The following PFAS variants were observed in gnomAD, a reference collection of about 807,000 sequenced individuals.
PFAS encodes FGAM synthase.
A neutral mutation model predicts 140.6 loss-of-function variants in PFAS; 97 were observed. The observed-to-expected ratio is 0.69, with a 90% confidence interval of 0.59 to 0.82. The LOEUF (loss-of-function observed/expected upper bound fraction) is 0.82. Among genes scored for constraint, PFAS ranks in the 40% least tolerant of loss-of-function variants. PFAS has a pLI of 0.00. For synonymous variants in PFAS, 679 were observed against 718.8 expected, an observed-to-expected ratio of 0.94 and a Z score of 0.88; for missense variants, 1,656 against 1,780.2, an observed-to-expected ratio of 0.93 and a Z score of 1.26.
In PFAS at chr17:8,263,576, C is replaced by T. The variant is rs190168483; in HGVS notation, c.1569C>T (p.Gly523=). 2.6e-5 allele frequency: 42 copies of T among 1,613,680 alleles called. No individual in the cohort carries two copies. The Admixed American group carries it at 5.0e-4, about 19-fold the overall frequency. ...TTCTCCTTGCAACCCTCTCACCAGG[C>T]AATGTCCTAAAAGAGCTGAGTGACC... ...SLHDQGAGGN[G]NVLKELSDPA... The change falls in exon 14 of 28, where the codon GGC becomes GGT. Residue 523 remains glycine (G), a splice_region_variant and synonymous_variant. Coordinates refer to ENST00000314666, the MANE Select transcript of PFAS (RefSeq NM_012393.3).
intron 11 of PFAS, among the ~76,000 whole-genome samples, chr17:8,259,208 C>A (rs1192376658): frequency 6.6e-6 from 1 of 150,580 alleles, no homozygotes; most frequent in East Asian, 1.9e-4. Context: ...TTTAGGTAAA[C>A]TTTTTTTTCT....
Position 8,256,960 on chromosome 17 carries a change from C to A in PFAS, c.1072C>A (p.Pro358Thr), listed in dbSNP as rs1186813070. ...AGYCFGNLHI[P>T]GYNLPWEDPS... is the part of the protein sequence containing the mutation. The stretch of plus-strand genomic sequence containing the variant: ...CTATTGCTTTGGAAATCTGCATATT[C>A]CAGGTTCCATCTCCTTCCTCTCTAT... Residue 358 changes from proline (P) to threonine (T), a missense_variant, in exon 9 of 28, where the codon CCA becomes ACA. This residue lies in a region of PFAS where 773 missense variants were observed against 757.3 expected (regional missense o/e 1.02). Transcript: ENST00000314666. 1 of 1,614,004 alleles carries A rather than the reference C, an allele frequency of 6.2e-7. No homozygotes were observed. Among genetic ancestry groups the A allele is most frequent in the Non-Finnish European group, 8.5e-7 (1 of 1,180,004 alleles).
Position 8,256,662 on chromosome 17 carries a change from C to T in PFAS, c.946+14C>T, listed in dbSNP as rs770576338. On this transcript the variant is annotated intron_variant, in intron 8 of 27. Coordinates refer to ENST00000314666, the MANE Select transcript of PFAS (RefSeq NM_012393.3). ...ACTTTCCCACAGGTGAGCTGGGTTC[C>T]CTGGAGAAATAGGTGAGATCACAGA... 1.2e-6 allele frequency: 2 copies of T among 1,613,692 alleles called. No individual in the cohort carries two copies. Among genetic ancestry groups the T allele is most frequent in the Non-Finnish European group, 1.7e-6 (2 of 1,179,830 alleles).
intron 11 of PFAS, among the ~76,000 whole-genome samples, chr17:8,262,679 C>T (rs2151589459): frequency 6.6e-6 from 1 of 152,154 alleles, no homozygotes; most frequent in East Asian, 1.9e-4. Flanking sequence ...GCCTGTAGTC[C>T]CAGCTACTCA....
chr17:8,249,849 G>T (rs1183753985), intron 1 of PFAS, among the ~76,000 whole-genome samples: 1 of 152,148 alleles, frequency 6.6e-6, no homozygotes, highest in East Asian at 1.9e-4. Flanking sequence ...CCCTGGTATT[G>T]TTCTAAGCCT....
At position 8,267,957 on chromosome 17, in the gene PFAS, AAT is replaced by A. The variant is rs1341945414; in HGVS notation, c.3382+299_3382+300del. Among the ~76,000 whole-genome samples the A allele has an allele frequency of 1.9e-4, 27 of 143,842 alleles. No homozygotes were observed. Among genetic ancestry groups the A allele is most frequent in the African/African-American group, 6.1e-4 (24 of 39,312 alleles). The allele number at this position is 143,842 out of a possible 152,430, so 94.4% of individuals were successfully genotyped here. A position where few individuals can be genotyped will look rare whatever the true frequency, so the allele number is the denominator to read the frequency against. The stretch of plus-strand genomic sequence containing the variant: ...ATGTATATTATTTATATATTATTAA[AAT>A]ATATATTATTTATATATATTATTTA... On this transcript the variant is annotated intron_variant, in intron 26 of 27. Coordinates refer to ENST00000314666, the MANE Select transcript of PFAS (RefSeq NM_012393.3). This position sits in a 1 kb window ranked among gnomAD's most constrained non-coding sequence, Gnocchi z 4.9.
chr17:8,254,561 T>C (rs914333686), intron 3 of PFAS, among the ~76,000 whole-genome samples: 7 of 152,164 alleles, frequency 4.6e-5, no homozygotes, highest in African/African-American at 1.7e-4. Flanking sequence ...CCCAGCACTT[T>C]GGGAGGCCGA....
At chr17:8,263,061 A>G (rs750499428) in intron 12 of PFAS, 48 bp from the exon 13 acceptor site, 1 of 1,610,504 alleles carries the variant, frequency 6.2e-7, no homozygotes. Context: ...GGGAGCGTAT[A>G]GGAGCTTCCA....
In PFAS at chr17:8,267,457, G is replaced by A. The variant is rs1400987942; in HGVS notation, c.3261G>A (p.Gly1087=). ...TGGCCGATGCCTTCCACTTAGCTGG[G>A]TTTGAGGTGAGCAGGGTAGGGGGCA... is the stretch of plus-strand genomic sequence containing the variant. ...REMADAFHLA[G]FEVWDVTMQD... The change falls in exon 25 of 28, where the codon GGG becomes GGA. Residue 1087 remains glycine (G), a synonymous_variant. Transcript: ENST00000314666. This position sits in a 1 kb window ranked among gnomAD's most constrained non-coding sequence, Gnocchi z 4.9. 1.9e-6 allele frequency: 3 copies of A among 1,614,006 alleles called. No homozygotes were observed. The South Asian group carries it at 3.3e-5, about 18-fold the overall frequency.
At chr17:8,264,111 A>G in intron 15 of PFAS, 101 bp from the exon 16 acceptor site, 1 of 1,546,764 alleles carries the variant, frequency 6.5e-7, no homozygotes, top group Non-Finnish European at 8.9e-7. Flanking sequence ...ATGGAAACCA[A>G]ACAAGGAGTG....
Position 8,267,209 on chromosome 17 carries a change from C to T in PFAS, c.3149C>T (p.Pro1050Leu). The T allele has an allele frequency of 6.2e-7, 1 of 1,607,308 alleles. No individual in the cohort carries two copies. The highest frequency in any genetic ancestry group is 8.5e-7 in the Non-Finnish European group (1 of 1,177,326). The change falls in exon 24 of 28, where the codon CCC becomes CTC. Residue 1050 changes from proline to leucine, a missense_variant. This residue lies in a region of PFAS where 883 missense variants were observed against 1,023.0 expected (regional missense o/e 0.86). Coordinates refer to ENST00000314666, the MANE Select transcript of PFAS (RefSeq NM_012393.3). The surrounding 1 kb of genome is among the most constrained non-coding windows in gnomAD (Gnocchi z 4.9). Reference sequence around the variant, plus strand: ...AGCTATTGCCTGCCCCCCACCTTTCCCAAAGCCTCCGTGCCCCGTGAGCCT... The same window carrying T: ...AGCTATTGCCTGCCCCCCACCTTTCTCAAAGCCTCCGTGCCCCGTGAGCCT... ...GPSYCLPPTF[P>L]KASVPREPGG...
chr17:8,249,803 C>A (rs1444180042), intron 1 of PFAS, among the ~76,000 whole-genome samples: 3 of 152,152 alleles, frequency 2.0e-5, no homozygotes, highest in Non-Finnish European at 4.4e-5. Flanking sequence ...TTCATTAAGT[C>A]ATTCCACAAG....
At position 8,263,773 on chromosome 17, in the gene PFAS, A is replaced by G. The variant is rs1384149936; in HGVS notation, c.1630-2A>G. The stretch of plus-strand genomic sequence containing the variant: ...TCTTTCCTCCCCGCCGTGGCTGTGC[A>G]GCTTGGGGACCCAACCCTGAATGCC... On this transcript the variant is annotated splice_acceptor_variant, in intron 14 of 27. Transcript: ENST00000314666. LOFTEE classifies it high-confidence loss of function. The G allele has an allele frequency of 6.2e-7, 1 of 1,613,326 alleles. No individual in the cohort carries two copies. The highest frequency in any genetic ancestry group is 8.5e-7 in the Non-Finnish European group (1 of 1,179,390).
chr17:8,262,992 A>T lies in PFAS; in HGVS notation c.1409A>T (p.Gln470Leu), dbSNP rs745963529. Residue 470 changes from glutamine (Q) to leucine (L), a missense_variant and splice_region_variant, in exon 12 of 28, where the codon CAG (glutamine) becomes CTG (leucine). Around this residue, in one of 2 missense-constraint regions of PFAS, gnomAD observed 773 missense variants for 757.3 expected, o/e 1.02. Coordinates refer to ENST00000314666, the MANE Select transcript of PFAS (RefSeq NM_012393.3). ...GVGGGAASSV[Q>L]VQGDNTSDLD... is the part of the protein sequence containing the mutation. ...GGAGGTGGAGCTGCTTCATCTGTGC[A>T]GGTGAGTGGGAATTGCTAAAGGTGC... The T allele has an allele frequency of 5.0e-6, 8 of 1,613,634 alleles. No individual in the cohort carries two copies. The highest frequency in any genetic ancestry group is 8.5e-7 in the Non-Finnish European group (1 of 1,179,676).
At position 8,263,878 on chromosome 17, in the gene PFAS, T is replaced by A; in HGVS notation, c.1733T>A (p.Val578Asp). The A allele has an allele frequency of 1.2e-6, 2 of 1,614,142 alleles. No individual in the cohort carries two copies. The highest frequency in any genetic ancestry group is 1.1e-5 in the South Asian group (1 of 91,086). ...CCCAACCGGGACTTCCTGACTCATGTCAGTGCCCGTGAACGTTGCCCGGCT... is the reference window on the plus strand; with the variant it reads ...CCCAACCGGGACTTCCTGACTCATGACAGTGCCCGTGAACGTTGCCCGGCT... ...RSPNRDFLTH[V>D]SARERCPACF... The change falls in exon 15 of 28, where the codon GTC (valine) becomes GAC (aspartate). Residue 578 changes from valine (V) to aspartate (D), a missense_variant. Transcript: ENST00000314666.
intron 9 of PFAS, 115 bp from the exon 10 acceptor site, chr17:8,257,692 T>C: frequency 6.5e-6 from 7 of 1,077,280 alleles, no homozygotes; most frequent in Non-Finnish European, 1.0e-5. Flanking sequence ...AAGTGGAACA[T>C]TGCAACCATG....
chr17:8,249,370 T>C (rs1249304605), intron 1 of PFAS, 31 bp downstream of exon 1: 1 of 152,204 alleles, frequency 6.6e-6, no homozygotes, highest in Non-Finnish European at 1.5e-5. Flanking sequence ...CGGACCTGGA[T>C]CCTCCTCCAG....
At chr17:8,254,511 C>G (rs1260578920) in intron 3 of PFAS, among the ~76,000 whole-genome samples, 1 of 152,064 alleles carries the variant, frequency 6.6e-6, no homozygotes, top group Non-Finnish European at 1.5e-5. Context: ...AAGTTAAAAT[C>G]AAACAGTTTT....
chr17:8,254,305 AGT>A lies in PFAS; in HGVS notation c.278+5_278+6del. The A allele has an allele frequency of 6.2e-7, 1 of 1,613,884 alleles. No homozygotes were observed. Among genetic ancestry groups the A allele is most frequent in the Non-Finnish European group, 8.5e-7 (1 of 1,179,986 alleles). Reference sequence around the variant, plus strand: ...TGCTGCTGGAGGTCGGGCCCAGGTAAGTATCTCATCCTGCCCACCCCTTTCTT... The same window carrying A: ...TGCTGCTGGAGGTCGGGCCCAGGTAAATCTCATCCTGCCCACCCCTTTCTT... On this transcript the variant is annotated splice_donor_5th_base_variant and intron_variant, in intron 3 of 27. Transcript: ENST00000314666.
Sources: allele counts gnomAD v4.1 joint callset (sites outside exome capture counted in the v4.1 genomes callset), GRCh38; gene constraint gnomAD v4.1.1; regional missense constraint gnomAD v4.1.1; non-coding constraint Gnocchi (gnomAD v3.1); transcripts MANE v1.5; gene names NCBI Gene and HGNC (gene_info 2026-07-23, HGNC 2026-07-21).